The following MCTP1 variants were observed in gnomAD, a reference collection of about 807,000 sequenced individuals.
The protein encoded by MCTP1 is multiple C2 and transmembrane domain-containing protein 1.
In MCTP1, 69 loss-of-function variants were observed where a neutral mutation model predicts 120.6. The observed-to-expected ratio is 0.57, with a 90% CI of 0.47 to 0.70. The LOEUF (loss-of-function observed/expected upper bound fraction) is 0.70. Ranked by LOEUF, MCTP1 falls within the 30% of genes least tolerant of loss-of-function variation. MCTP1 has a pLI of 0.00. For synonymous variants in MCTP1, 529 were observed against 493.1 expected (o/e 1.07, Z -0.96); for missense variants, 1,203 against 1,248.8 (o/e 0.96, Z 0.55).
intron 12 of MCTP1, among the ~76,000 whole-genome samples, chr5:94,876,754 G>A (rs1798956368): frequency 1.3e-5 from 2 of 151,958 alleles, no homozygotes; most frequent in African/African-American, 4.8e-5. Flanking sequence ...TGAGGGCAGG[G>A]GCTGTGGGAT....
chr5:95,119,929 T>C (rs956654332), intron 1 of MCTP1, among the ~76,000 whole-genome samples: 1 of 151,888 alleles, frequency 6.6e-6, no homozygotes, highest in Non-Finnish European at 1.5e-5. Flanking sequence ...TCCCAGCACT[T>C]TGGGAGGCCG....
chr5:94,815,540 G>C (rs570323959), intron 17 of MCTP1, among the ~76,000 whole-genome samples: 23 of 152,286 alleles, frequency 1.5e-4, no homozygotes, highest in Admixed American at 1.4e-3. Flanking sequence ...CACTAGTTCA[G>C]TTATGGCAAC....
chr5:94,920,909 C>G (rs1362320287), intron 7 of MCTP1, among the ~76,000 whole-genome samples: 1 of 152,016 alleles, frequency 6.6e-6, no homozygotes, highest in Non-Finnish European at 1.5e-5. Flanking sequence ...TTTCTATGTA[C>G]TCTCCTTTGC....
At position 95,017,915 on chromosome 5, in the gene MCTP1, T is replaced by C. The variant is rs1031500751; in HGVS notation, c.721-431A>G. On this transcript the variant is annotated intron_variant, in intron 1 of 22. Transcript: ENST00000515393. ...ATTGATTCAGGTGACTGCTGACTCA[T>C]TTATCTGTGCAGAACAGCTCATACC... 1.2e-3 allele frequency among the ~76,000 whole-genome samples: 190 copies of C among 152,260 alleles called. 1 individual carries two copies. The highest frequency in any genetic ancestry group is 4.4e-3 in the African/African-American group (185 of 41,580).
rs1222832689 is a variant in MCTP1 at position 95,247,801 on chromosome 5, T to G, written c.720+36055A>C. Reference sequence around the variant, plus strand: ...TCTTTTACATTTGCTGAGGAGTGTTTTACTTCCAATTATGTGGTCAATTTT... The same window carrying G: ...TCTTTTACATTTGCTGAGGAGTGTTGTACTTCCAATTATGTGGTCAATTTT... On this transcript the variant is annotated intron_variant, in intron 1 of 22. Transcript: ENST00000515393. 2.6e-5 allele frequency among the ~76,000 whole-genome samples: 4 copies of G among 152,164 alleles called. No homozygotes were observed. The East Asian group carries it at 7.7e-4, about 29-fold the overall frequency.
intron 12 of MCTP1, among the ~76,000 whole-genome samples, chr5:94,878,835 T>TAA (rs35508836): frequency 2.0e-5 from 3 of 151,250 alleles, no homozygotes; most frequent in South Asian, 2.1e-4. Context: ...ACGTGTTAAT[T>TAA]AAAAAAAACA....
intron 18 of MCTP1, among the ~76,000 whole-genome samples, chr5:94,796,212 T>G (rs1187079398): frequency 6.6e-6 from 1 of 152,188 alleles, no homozygotes; most frequent in Non-Finnish European, 1.5e-5. Flanking sequence ...TCATTTTGAT[T>G]TTTCGTTTAT....
intron 1 of MCTP1, among the ~76,000 whole-genome samples, chr5:95,256,303 C>A (rs947320440): frequency 6.6e-6 from 1 of 152,196 alleles, no homozygotes; most frequent in Non-Finnish European, 1.5e-5. Flanking sequence ...TTTTCCCCTA[C>A]CTGGAAGCGG....
chr5:94,800,945 T>G (rs1400410609), intron 17 of MCTP1, among the ~76,000 whole-genome samples: 2 of 152,004 alleles, frequency 1.3e-5, no homozygotes, highest in Non-Finnish European at 2.9e-5. Flanking sequence ...AAGAAAAATA[T>G]TTTCATTTAA....
intron 3 of MCTP1, among the ~76,000 whole-genome samples, chr5:94,946,590 G>C (rs1272903975): frequency 1.3e-5 from 2 of 152,126 alleles, no homozygotes; most frequent in African/African-American, 4.8e-5. Context: ...TGCCCCTCTA[G>C]AGCTAAAGCT....
chr5:95,243,649 GGAGA>G (rs1243127352), intron 1 of MCTP1, among the ~76,000 whole-genome samples: 1 of 152,166 alleles, frequency 6.6e-6, no homozygotes, highest in East Asian at 1.9e-4. Flanking sequence ...AGACAAAACT[GGAGA>G]GAGAGACACC....
intron 19 of MCTP1, among the ~76,000 whole-genome samples, chr5:94,767,389 A>T (rs1773023584): frequency 6.6e-6 from 1 of 152,234 alleles, no homozygotes; most frequent in African/African-American, 2.4e-5. Flanking sequence ...ACTCTTGTTC[A>T]ACATAGTACT....
intron 20 of MCTP1, among the ~76,000 whole-genome samples, chr5:94,711,225 T>C (rs1161131231): frequency 6.6e-6 from 1 of 152,122 alleles, no homozygotes; most frequent in East Asian, 1.9e-4. Context: ...TTTATTTTTC[T>C]TCTTTATTTT....
intron 17 of MCTP1, among the ~76,000 whole-genome samples, chr5:94,844,693 C>G (rs1346880183): frequency 2.0e-5 from 3 of 152,164 alleles, no homozygotes; most frequent in Non-Finnish European, 4.4e-5. Context: ...TGTAGGAACA[C>G]TTTTCTGAAC....
intron 17 of MCTP1, among the ~76,000 whole-genome samples, chr5:94,801,751 G>A (rs1013006400): frequency 2.6e-5 from 4 of 152,178 alleles, no homozygotes; most frequent in South Asian, 2.1e-4. Context: ...ATGGATTGGT[G>A]TTAGCTGCAG....
At chr5:95,265,269 C>T (rs1758791965) in intron 1 of MCTP1, among the ~76,000 whole-genome samples, 1 of 152,116 alleles carries the variant, frequency 6.6e-6, no homozygotes, top group African/African-American at 2.4e-5. Flanking sequence ...CACATTCCAC[C>T]CTCAGCTCTA....
chr5:95,013,862 A>G (rs748063619), intron 2 of MCTP1, among the ~76,000 whole-genome samples: 1 of 152,134 alleles, frequency 6.6e-6, no homozygotes, highest in Non-Finnish European at 1.5e-5. Flanking sequence ...TAATTTAAGA[A>G]TACATTCTGT....
intron 1 of MCTP1, among the ~76,000 whole-genome samples, chr5:95,092,231 T>A (rs1755903472): frequency 6.6e-6 from 1 of 152,194 alleles, no homozygotes; most frequent in Non-Finnish European, 1.5e-5. Flanking sequence ...AGGAAAGAGA[T>A]GAGCTAAAGA....
At chr5:95,006,605 T>C (rs116128977) in intron 2 of MCTP1, among the ~76,000 whole-genome samples, 1 of 152,252 alleles carries the variant, frequency 6.6e-6, no homozygotes, top group South Asian at 2.1e-4. Flanking sequence ...AATTCATGAT[T>C]TTAGCACAAA....
Sources: allele counts gnomAD v4.1 joint callset (sites outside exome capture counted in the v4.1 genomes callset), GRCh38; gene constraint gnomAD v4.1.1; transcripts MANE v1.5; gene names NCBI Gene and HGNC (gene_info 2026-07-23, HGNC 2026-07-21).